Variants in NEK3 observed in about 807,000 individuals in gnomAD.
NEK3 encodes NIMA related kinase 3.
Under a neutral mutation model 66.0 loss-of-function variants are expected in NEK3, and 54 were observed. The observed-to-expected ratio is 0.82, with a 90% CI of 0.66 to 1.03. NEK3 has a LOEUF of 1.03. Among genes scored for constraint, NEK3 ranks in the 50% least tolerant of loss-of-function variants. NEK3 has a pLI of 0.00. For synonymous variants in NEK3, 200 were observed against 206.2 expected, an observed-to-expected ratio of 0.97 and a Z score of 0.26; for missense variants, 593 against 603.0, an observed-to-expected ratio of 0.98 and a Z score of 0.17.
intron 8 of NEK3, 34 bp from the exon 9 acceptor site, chr13:52,144,925 CA>C: frequency 7.0e-7 from 1 of 1,434,848 alleles, no homozygotes; most frequent in Non-Finnish European, 9.6e-7. Flanking sequence ...CAAGCAGATA[CA>C]GGGGAAGAAA....
intron 11 of NEK3, among the ~76,000 whole-genome samples, chr13:52,137,910 A>T (rs1426085706): frequency 6.6e-6 from 1 of 152,116 alleles, no homozygotes; most frequent in Non-Finnish European, 1.5e-5. Context: ...TACATGTTGC[A>T]CCCTTTTCAT....
In NEK3 at chr13:52,136,172, G is replaced by GT. The variant is rs779274805; in HGVS notation, c.1117dup (p.Thr373AsnfsTer19). 4.9e-4 allele frequency: 788 copies of GT among 1,613,788 alleles called. No homozygotes were observed. The highest frequency in any genetic ancestry group is 1.2e-3 in the East Asian group (54 of 44,852). Reference sequence around the variant, plus strand: ...GAGTATGGATGCATTTTCCAAAGCTGTAAGAGCTGTATTGGGTACATTTTT... The same window carrying GT: ...GAGTATGGATGCATTTTCCAAAGCTGTTAAGAGCTGTATTGGGTACATTTTT... On this transcript the variant is annotated frameshift_variant, in exon 13 of 16. Transcript: ENST00000610828. LOFTEE classifies it high-confidence loss of function.
chr13:52,148,466 G>A lies in NEK3; in HGVS notation c.552C>T (p.Asp184=), dbSNP rs1956312407. ...WENLPYNNKS[D]IWSLGCILYE... The stretch of plus-strand genomic sequence containing the variant: ...ACAGGATGCAACCCAAGGACCAGAT[G>A]TCACTGAAAGCATAAAGAAGCAATG... The change falls in exon 8 of 16, where the codon GAC becomes GAT. Residue 184 remains aspartate, a synonymous_variant. Transcript: ENST00000610828. 1 of 1,613,400 alleles carries A rather than the reference G, an allele frequency of 6.2e-7. No individual in the cohort carries two copies. Among genetic ancestry groups the A allele is most frequent in the Non-Finnish European group, 8.5e-7 (1 of 1,179,532 alleles).
Position 52,156,124 on chromosome 13 carries a change from T to A in NEK3, c.68A>T (p.His23Leu), listed in dbSNP as rs17482764. The A allele has an allele frequency of 0.036, 57,491 of 1,608,172 alleles. 1,280 individuals are homozygous for A. Among genetic ancestry groups the A allele is most frequent in the Non-Finnish European group, 0.041 (47,847 of 1,177,050 alleles). Residue 23 changes from histidine (H) to leucine (L), a missense_variant, in exon 2 of 16, where the codon CAT becomes CTT. Physicochemically the swap from His to Leu is moderately conservative, Grantham distance 99 (BLOSUM62 -3). Coordinates refer to ENST00000610828, the MANE Select transcript of NEK3 (RefSeq NM_002498.3). ...GGCAAACATCTGATTACTGCTTTCATGCTGAACCAAAAGAGCTCTGCCGAA... is the reference window on the plus strand; with the variant it reads ...GGCAAACATCTGATTACTGCTTTCAAGCTGAACCAAAAGAGCTCTGCCGAA... ...GSFGRALLVQHESSNQMFAMK... is the reference protein window; with the variant it reads ...GSFGRALLVQLESSNQMFAMK...
chr13:52,148,680 A>G (rs971403144), intron 7 of NEK3, among the ~76,000 whole-genome samples: 2 of 152,164 alleles, frequency 1.3e-5, no homozygotes, highest in Non-Finnish European at 2.9e-5. Flanking sequence ...AAATTGGGGC[A>G]GTTGAGATAT....
chr13:52,144,056 T>C lies in NEK3; in HGVS notation c.805-69A>G, dbSNP rs192539975. On this transcript the variant is annotated intron_variant, in intron 9 of 15. Coordinates refer to ENST00000610828, the MANE Select transcript of NEK3 (RefSeq NM_002498.3). ...TTCTATAGATACTGCCGTGATGTCA[T>C]TTCATCATCAGCATTCTTTAGCACA... 61 of 827,428 alleles carry C rather than the reference T, an allele frequency of 7.4e-5. 1 individual carries two copies. In the East Asian group the frequency reaches 1.5e-3, roughly 21 times the overall value. 51.3% of individuals were successfully genotyped at this position (827,428 alleles called of 1,614,324 possible).
chr13:52,135,964 T>C, intron 13 of NEK3, 101 bp from the exon 14 acceptor site: 9 of 1,500,750 alleles, frequency 6.0e-6, no homozygotes, highest in Non-Finnish European at 8.2e-6. Context: ...TATTTGACTG[T>C]TAACTAAAAT....
chr13:52,155,921 C>G (rs9526843), intron 2 of NEK3, among the ~76,000 whole-genome samples, 154 bp downstream of exon 2: 1 of 151,792 alleles, frequency 6.6e-6, no homozygotes, highest in African/African-American at 2.4e-5. Flanking sequence ...GACCTCAGGC[C>G]GGTCTCAAAC....
At chr13:52,148,697 A>G (rs918525326) in intron 7 of NEK3, among the ~76,000 whole-genome samples, 2 of 152,184 alleles carry the variant, frequency 1.3e-5, no homozygotes, top group Non-Finnish European at 2.9e-5. Context: ...ATATCACTTC[A>G]GTAGCATTTG....
chr13:52,139,205 T>C (rs575705325), intron 11 of NEK3, among the ~76,000 whole-genome samples: 2 of 152,318 alleles, frequency 1.3e-5, no homozygotes, highest in Non-Finnish European at 2.9e-5. Flanking sequence ...GTAATCTAAA[T>C]GTTACTCAGC....
intron 1 of NEK3, among the ~76,000 whole-genome samples, chr13:52,157,750 G>A (rs955947935): frequency 4.6e-5 from 7 of 152,130 alleles, no homozygotes; most frequent in African/African-American, 1.7e-4. Context: ...CACTTTGCCT[G>A]GTACATACAA....
chr13:52,154,767 T>C (rs1362420780), intron 2 of NEK3, among the ~76,000 whole-genome samples: 5 of 149,990 alleles, frequency 3.3e-5, no homozygotes, highest in Admixed American at 1.3e-4. Context: ...GAAATTGCCA[T>C]TGTTAGTTGG....
chr13:52,136,070 G>C, intron 13 of NEK3, 46 bp downstream of exon 13: 1 of 1,606,342 alleles, frequency 6.2e-7, no homozygotes, highest in South Asian at 1.1e-5. Context: ...GTAACTATTA[G>C]AAAAAGTTCT....
At position 52,144,898 on chromosome 13, in the gene NEK3, A is replaced by C; in HGVS notation, c.604-7T>G. On this transcript the variant is annotated splice_region_variant and splice_polypyrimidine_tract_variant and intron_variant, in intron 8 of 15. Transcript: ENST00000610828. ...TCCAACTATTTGCCTGAAACTGAAAAGGAAAATTGAACTTTACAAGCAGAT... is the reference window on the plus strand; with the variant it reads ...TCCAACTATTTGCCTGAAACTGAAACGGAAAATTGAACTTTACAAGCAGAT... 6.3e-7 allele frequency: 1 copy of C among 1,582,570 alleles called. No homozygotes were observed. Among genetic ancestry groups the C allele is most frequent in the Non-Finnish European group, 8.6e-7 (1 of 1,162,056 alleles).
chr13:52,148,231 T>C, intron 8 of NEK3, 184 bp downstream of exon 8: 2 of 465,016 alleles, frequency 4.3e-6, no homozygotes, highest in East Asian at 3.0e-5. Context: ...AACTGAATAA[T>C]GGAAATTTCC....
At position 52,156,238 on chromosome 13, in the gene NEK3, G is replaced by A; in HGVS notation, c.-47C>T. ...GGCTCCACTCACGCAGTCACCATGG[G>A]CTCTCCCAAACTGCATTCAAAAGCA... On this transcript the variant is annotated 5_prime_UTR_variant, in exon 2 of 16. Transcript: ENST00000610828. 1 of 1,160,534 alleles carries A rather than the reference G, an allele frequency of 8.6e-7. No homozygotes were observed. Among genetic ancestry groups the A allele is most frequent in the Non-Finnish European group, 1.3e-6 (1 of 793,446 alleles). 71.9% of individuals were successfully genotyped at this position (1,160,534 alleles called of 1,614,324 possible). A position where few individuals can be genotyped will look rare whatever the true frequency, so the allele number is the denominator to read the frequency against.
rs1956246111 is a variant in NEK3, at chr13:52,141,017, T to C, written c.927+3A>G. The C allele has an allele frequency of 6.3e-7, 1 of 1,590,574 alleles. No individual in the cohort carries two copies. The highest frequency in any genetic ancestry group is 8.6e-7 in the Non-Finnish European group (1 of 1,168,054). On this transcript the variant is annotated splice_donor_region_variant and intron_variant, in intron 11 of 15. Coordinates refer to ENST00000610828, the MANE Select transcript of NEK3 (RefSeq NM_002498.3). ...CTCATAAAAGTAATTTTAAAGCACT[T>C]ACCACTGTGCTTGCTTCATTTCCCA...
Position 52,155,591 on chromosome 13 carries a change from T to A in NEK3, c.117+484A>T, listed in dbSNP as rs752941389. Among the ~76,000 whole-genome samples the A allele has an allele frequency of 3.2e-4, 49 of 152,246 alleles. 1 individual carries two copies. The highest frequency in any genetic ancestry group is 3.3e-4 in the Admixed American group (5 of 15,278). On this transcript the variant is annotated intron_variant, in intron 2 of 15. Transcript: ENST00000610828. ...TAATTACAATATCCTAAGAACCACATATAATGTATCGAGCCCTTGTAAAGC... is the reference window on the plus strand; with the variant it reads ...TAATTACAATATCCTAAGAACCACAAATAATGTATCGAGCCCTTGTAAAGC...
At position 52,152,638 on chromosome 13, in the gene NEK3, G is replaced by A. The variant is rs138876819; in HGVS notation, c.364C>T (p.Arg122Cys). ...CLGVNHIHKK[R>C]VLHRDIKSKN... ...GACTTGATATCTCTGTGTAGCACAC[G>A]TTTCTTGTGAATGTGATTTACTCCA... The change falls in exon 5 of 16, where the codon CGT becomes TGT. Residue 122 changes from arginine (R) to cysteine (C), a missense_variant. Physicochemically the swap from Arg to Cys is radical, Grantham distance 180. Coordinates refer to ENST00000610828, the MANE Select transcript of NEK3 (RefSeq NM_002498.3). 7.1e-5 allele frequency: 115 copies of A among 1,610,322 alleles called. No homozygotes were observed. The African/African-American group carries it at 1.1e-3, about 16-fold the overall frequency.
Sources: allele counts gnomAD v4.1 joint callset (sites outside exome capture counted in the v4.1 genomes callset), GRCh38; gene constraint gnomAD v4.1.1; transcripts MANE v1.5; gene names NCBI Gene and HGNC (gene_info 2026-07-23, HGNC 2026-07-21).